Variants in GNB1 observed in about 807,000 individuals in gnomAD.
GNB1 encodes the protein G protein subunit beta 1.
GNB1 carries 2 observed loss-of-function variants against 42.9 expected under a neutral mutation model. That is an observed-to-expected ratio of 0.05 (90% CI 0.02 to 0.15). The LOEUF (loss-of-function observed/expected upper bound fraction) is 0.15. GNB1 is among the 10% of genes least tolerant of loss of function. The pLI, the probability that GNB1 is intolerant of heterozygous loss-of-function variation, is 1.00. For missense variants in GNB1, 193 were observed against 462.2 expected (o/e 0.42, Z 5.34); for synonymous variants, 183 against 174.7 (o/e 1.05, Z -0.38).
At chr1:1,881,299 C>A (rs897304715) in intron 1 of GNB1, among the ~76,000 whole-genome samples, 3 of 152,178 alleles carry the variant, frequency 2.0e-5, no homozygotes, top group Non-Finnish European at 4.4e-5. Flanking sequence ...GCTTTGCCAA[C>A]TGACTAGAGT....
intron 5 of GNB1, among the ~76,000 whole-genome samples, chr1:1,806,896 C>T (rs1646702458): frequency 6.6e-6 from 1 of 152,068 alleles, no homozygotes; most frequent in African/African-American, 2.4e-5. Flanking sequence ...ATCGCTTGAA[C>T]CTAGGAAGCG....
At chr1:1,823,484 G>T (rs1425965047) in intron 3 of GNB1, among the ~76,000 whole-genome samples, 1 of 151,994 alleles carries the variant, frequency 6.6e-6, no homozygotes, top group African/African-American at 2.4e-5. Context: ...TATTTAAATA[G>T]ATATTTCAGA....
chr1:1,888,235 T>C (rs1033887965), intron 1 of GNB1, among the ~76,000 whole-genome samples: 3 of 152,142 alleles, frequency 2.0e-5, no homozygotes, highest in African/African-American at 4.8e-5. Context: ...CAGTTTCCTC[T>C]ATAAGACTCA....
chr1:1,795,862 C>G (rs770004187), intron 7 of GNB1, among the ~76,000 whole-genome samples: 2 of 152,166 alleles, frequency 1.3e-5, no homozygotes, highest in African/African-American at 2.4e-5. Flanking sequence ...ACTCCAAGAA[C>G]CAGAGACTGA....
chr1:1,840,777 G>T (rs1482981005), intron 1 of GNB1, among the ~76,000 whole-genome samples: 1 of 152,242 alleles, frequency 6.6e-6, no homozygotes, highest in Non-Finnish European at 1.5e-5. Context: ...TGCCCAGGAA[G>T]GTGGCTTGAA....
chr1:1,804,347 G>T, intron 7 of GNB1, 72 bp downstream of exon 7: 1 of 922,822 alleles, frequency 1.1e-6, no homozygotes. Context: ...TAAAAAGTGA[G>T]TATCCAAAGC....
chr1:1,830,573 A>G (rs931687347), intron 2 of GNB1, among the ~76,000 whole-genome samples: 1 of 151,666 alleles, frequency 6.6e-6, no homozygotes, highest in Non-Finnish European at 1.5e-5. Context: ...TTTAAAAAAA[A>G]TTTCTGTGAG....
Position 1,790,352 on chromosome 1 carries a change from G to T in GNB1, c.699+43C>A. On this transcript the variant is annotated intron_variant, in intron 9 of 11. Transcript: ENST00000378609. The surrounding 1 kb of genome is among the most constrained non-coding windows in gnomAD (Gnocchi z 5.4). The stretch of plus-strand genomic sequence containing the variant: ...AATTTAGCAATCTGAACGGCTAGCA[G>T]AGACGGCAGAGGACCCGACCCCACA... 1 of 1,345,158 alleles carries T rather than the reference G, an allele frequency of 7.4e-7. No homozygotes were observed. The highest frequency in any genetic ancestry group is 1.1e-6 in the Non-Finnish European group (1 of 934,654). The allele number at this position is 1,345,158 out of a possible 1,614,324, so 83.3% of individuals were successfully genotyped here.
At chr1:1,795,083 C>G (rs1242669702) in intron 7 of GNB1, among the ~76,000 whole-genome samples, 1 of 152,206 alleles carries the variant, frequency 6.6e-6, no homozygotes, top group African/African-American at 2.4e-5. Context: ...TATGCGTGGT[C>G]AAATACTTCC....
chr1:1,817,916 T>A (rs1161764395), intron 3 of GNB1, 41 bp from the exon 4 acceptor site: 11 of 1,513,260 alleles, frequency 7.3e-6, no homozygotes, highest in African/African-American at 1.4e-5. Context: ...ACCTTTCAGA[T>A]ACATTCAATC....
At chr1:1,890,014 G>A (rs1412423263) in intron 1 of GNB1, among the ~76,000 whole-genome samples, 2 of 152,024 alleles carry the variant, frequency 1.3e-5, no homozygotes, top group Non-Finnish European at 2.9e-5. Context: ...CGGCGCGGCG[G>A]CGGCCGCCCC....
chr1:1,858,378 T>C (rs941513622), intron 1 of GNB1, among the ~76,000 whole-genome samples: 4 of 152,194 alleles, frequency 2.6e-5, no homozygotes, highest in African/African-American at 9.6e-5. Flanking sequence ...ATTCCACTTG[T>C]ACCATAGAAG....
At chr1:1,886,741 G>A (rs1021532180) in intron 1 of GNB1, among the ~76,000 whole-genome samples, 2 of 152,028 alleles carry the variant, frequency 1.3e-5, no homozygotes, top group Admixed American at 1.3e-4. Flanking sequence ...GAGTCTCGCT[G>A]TGTCGCCCAG....
At chr1:1,830,473 T>TCTCCTGACCTCGTGATC (rs1412957814) in intron 2 of GNB1, among the ~76,000 whole-genome samples, 1 of 151,188 alleles carries the variant, frequency 6.6e-6, no homozygotes, top group Non-Finnish European at 1.5e-5. Flanking sequence ...GTGGTCTCCA[T>TCTCCTGACCTCGTGATC]CTCCTGACCT....
At chr1:1,875,837 TCC>T (rs59528461) in intron 1 of GNB1, among the ~76,000 whole-genome samples, 10 of 151,342 alleles carry the variant, frequency 6.6e-5, no homozygotes, top group South Asian at 2.1e-4. Flanking sequence ...TTCAACAGTG[TCC>T]CCCCCCCCAA....
rs766335096 is a variant in GNB1 at position 1,815,809 on chromosome 1, T to G, written c.150A>C (p.Thr50=). 1.7e-5 allele frequency: 27 copies of G among 1,611,428 alleles called. No individual in the cohort carries two copies. The highest frequency in any genetic ancestry group is 2.7e-5 in the African/African-American group (2 of 74,786). The part of the protein sequence containing the change: ...VGRIQMRTRR[T]LRGHLAKIYA... ...AGATCTTGGCCAGGTGCCCCCGCAG[T>G]GTCCTCCTCGTGCGCATTTGGATTC... is the stretch of plus-strand genomic sequence containing the variant. Residue 50 remains threonine, a synonymous_variant, in exon 5 of 12, where the codon ACA becomes ACC. Coordinates refer to ENST00000378609, the MANE Select transcript of GNB1 (RefSeq NM_002074.5).
intron 3 of GNB1, among the ~76,000 whole-genome samples, chr1:1,819,595 G>C (rs1293676735): frequency 6.6e-6 from 1 of 151,940 alleles, no homozygotes; most frequent in African/African-American, 2.4e-5. Flanking sequence ...CTGGAGTGCA[G>C]TGATGTCATC....
At chr1:1,793,890 G>C (rs1646512305) in intron 7 of GNB1, 1 of 153,576 alleles carries the variant, frequency 6.5e-6, no homozygotes, top group African/African-American at 2.4e-5. Context: ...GCCCAGCCAG[G>C]GCAGGAGGCG....
chr1:1,847,060 C>A (rs1162756982), intron 1 of GNB1, among the ~76,000 whole-genome samples: 4 of 152,122 alleles, frequency 2.6e-5, no homozygotes, highest in Non-Finnish European at 1.5e-5. Context: ...TTAATGCAGA[C>A]AAAAGTGCCC....
Sources: gnomAD v4.1 joint callset for allele counts (sites outside exome capture counted in the v4.1 genomes callset) on GRCh38, gnomAD v4.1.1 for gene constraint, Gnocchi (gnomAD v3.1) non-coding constraint, MANE v1.5 for transcripts, NCBI Gene and HGNC (gene_info 2026-07-23, HGNC 2026-07-21) for gene names.